PCBP2: variants seen among roughly 807,000 people sequenced by gnomAD.
PCBP2 encodes poly(rC)-binding protein 2.
A neutral mutation model predicts 50.1 loss-of-function variants in PCBP2; 4 were observed. That is an observed-to-expected ratio of 0.08 (90% confidence interval 0.04 to 0.18). PCBP2 has a LOEUF of 0.18. PCBP2 is among the 10% of genes least tolerant of loss of function. The probability of loss-of-function intolerance (pLI) is 1.00; values close to 1 mark genes in which losing one functional copy is unlikely to be tolerated. For missense variants in PCBP2, 161 were observed against 474.3 expected, an observed-to-expected ratio of 0.34 and a Z score of 6.14; for synonymous variants, 179 against 168.0, an observed-to-expected ratio of 1.07 and a Z score of -0.51.
chr12:53,475,091 C>G, intron 14 of PCBP2: 1 of 456,546 alleles, frequency 2.2e-6, no homozygotes, highest in Non-Finnish European at 4.4e-6. Flanking sequence ...CCATCCCTCT[C>G]CTGGCTCTAA....
intron 14 of PCBP2, among the ~76,000 whole-genome samples, chr12:53,473,088 CTT>C (rs774571257): frequency 8.4e-5 from 12 of 143,360 alleles, no homozygotes; most frequent in Admixed American, 1.4e-4. Flanking sequence ...GTTTTTCTTT[CTT>C]TTTTTTTTTT....
intron 5 of PCBP2, among the ~76,000 whole-genome samples, chr12:53,457,950 C>T (rs571600150): frequency 2.2e-4 from 34 of 152,210 alleles, no homozygotes; most frequent in Non-Finnish European, 4.4e-4. Context: ...TGTTTTGAGA[C>T]GGAGTTTCCT....
chr12:53,453,057 G>A (rs1268817998), intron 1 of PCBP2: 1 of 152,142 alleles, frequency 6.6e-6, no homozygotes, highest in Non-Finnish European at 1.5e-5. Flanking sequence ...GGACAGCAGT[G>A]TTAGCAGCTG....
chr12:53,464,698 A>G, intron 8 of PCBP2, 62 bp from the exon 9 acceptor site: 2 of 1,575,314 alleles, frequency 1.3e-6, no homozygotes, highest in Non-Finnish European at 1.7e-6. Context: ...TGTGAATTTC[A>G]TGCTGGTGAC....
At chr12:53,471,308 G>A (rs1417540722) in intron 13 of PCBP2, among the ~76,000 whole-genome samples, 1 of 150,662 alleles carries the variant, frequency 6.6e-6, no homozygotes, top group East Asian at 1.9e-4. Context: ...GGCCAGGTTC[G>A]GTGGCTTATA....
intron 5 of PCBP2, among the ~76,000 whole-genome samples, chr12:53,457,224 A>G (rs1270741614): frequency 6.6e-6 from 1 of 151,882 alleles, no homozygotes; most frequent in Non-Finnish European, 1.5e-5. Flanking sequence ...TTTTTTAAAA[A>G]CGTTTTCTTG....
chr12:53,458,290 C>G (rs2046432), intron 5 of PCBP2, among the ~76,000 whole-genome samples: 1 of 133,136 alleles, frequency 7.5e-6, no homozygotes, highest in Non-Finnish European at 1.7e-5. Context: ...TTATATCTTT[C>G]GTTTTTGTTT....
At chr12:53,459,805 A>G (rs1941314832) in intron 6 of PCBP2, 2 of 431,930 alleles carry the variant, frequency 4.6e-6, no homozygotes, top group African/African-American at 2.0e-5. Context: ...CCCAGGCTGG[A>G]GTGCAGTGGC....
intron 5 of PCBP2, among the ~76,000 whole-genome samples, chr12:53,458,028 A>G (rs1941165096): frequency 1.3e-5 from 2 of 152,072 alleles, no homozygotes. Flanking sequence ...TCCCGGGTTC[A>G]AGCGATTCTC....
intron 12 of PCBP2, chr12:53,468,510 G>T: frequency 2.0e-6 from 1 of 491,136 alleles, no homozygotes; most frequent in South Asian, 2.5e-5. Context: ...CCTTGCCCTT[G>T]CTTCCATCCC....
At chr12:53,470,402 A>AAAAAAAAAAAAAAAAT in intron 13 of PCBP2, among the ~76,000 whole-genome samples, 2 of 48,176 alleles carry the variant, frequency 4.2e-5, no homozygotes, top group African/African-American at 9.5e-5. Context: ...AAAAAAAAAA[A>AAAAAAAAAAAAAAAAT]GTGTAGTGGC....
At chr12:53,455,657 C>A (rs1463121364) in intron 4 of PCBP2, among the ~76,000 whole-genome samples, 164 bp downstream of exon 4, 8 of 147,660 alleles carry the variant, frequency 5.4e-5, no homozygotes, top group Non-Finnish European at 1.2e-4. Flanking sequence ...TTTTTTTTTT[C>A]CCCTTTTTGG....
At chr12:53,468,143 T>C (rs74970595) in intron 12 of PCBP2, 2 of 289,772 alleles carry the variant, frequency 6.9e-6, no homozygotes, top group Admixed American at 9.8e-5. Context: ...GCTGATGGGA[T>C]TTTTTTTTCT....
intron 14 of PCBP2, among the ~76,000 whole-genome samples, chr12:53,476,260 G>T (rs1565874735): frequency 6.6e-6 from 1 of 152,262 alleles, no homozygotes; most frequent in East Asian, 1.9e-4. Context: ...GAAGTGACAT[G>T]CTTAGATTTG....
intron 1 of PCBP2, among the ~76,000 whole-genome samples, chr12:53,454,109 G>A (rs1592630029): frequency 6.6e-6 from 1 of 152,188 alleles, no homozygotes; most frequent in Non-Finnish European, 1.5e-5. Flanking sequence ...ATTTTCTAAA[G>A]GGGAATATGG....
At chr12:53,454,609 A>T (rs967217461) in intron 1 of PCBP2, 117 bp from the exon 2 acceptor site, 1 of 600,570 alleles carries the variant, frequency 1.7e-6, no homozygotes, top group African/African-American at 1.9e-5. Flanking sequence ...TATAAGTCTG[A>T]CATACTGTCA....
intron 7 of PCBP2, 99 bp downstream of exon 7, chr12:53,461,242 A>G: frequency 7.3e-7 from 1 of 1,378,772 alleles, no homozygotes; most frequent in Non-Finnish European, 1.0e-6. Flanking sequence ...TGAGGCTGTT[A>G]AGGCTTCCAG....
chr12:53,454,809 C>A lies in PCBP2; in HGVS notation c.9C>A (p.Thr3=), dbSNP rs371711773. The change falls in exon 2 of 15, where the codon ACC becomes ACA. Residue 3 remains threonine (T), a synonymous_variant. Transcript: ENST00000546463. Reference sequence around the variant, plus strand: ...CCAGAACACTGCTCGACATGGACACCGGTGTGATTGAAGGTGGATTAAATG... The same window carrying A: ...CCAGAACACTGCTCGACATGGACACAGGTGTGATTGAAGGTGGATTAAATG... The part of the protein sequence containing the change: MD[T]GVIEGGLNVT... 1.5e-5 allele frequency: 24 copies of A among 1,613,996 alleles called. No individual in the cohort carries two copies. In the East Asian group the frequency reaches 5.1e-4, roughly 34 times the overall value.
At chr12:53,456,757 T>C (rs556238023) in intron 5 of PCBP2, among the ~76,000 whole-genome samples, 44 of 152,268 alleles carry the variant, frequency 2.9e-4, no homozygotes, top group African/African-American at 1.1e-3. Context: ...AGTAAGTTTT[T>C]CCCCCACCAA....
Sources: allele counts gnomAD v4.1 joint callset (sites outside exome capture counted in the v4.1 genomes callset), GRCh38; gene constraint gnomAD v4.1.1; transcripts MANE v1.5; gene names NCBI Gene and HGNC (gene_info 2026-07-23, HGNC 2026-07-21).